DDO: variants seen among roughly 807,000 people sequenced by gnomAD.
DDO encodes the protein D-aspartate oxidase, also known as D-aspartate oxidase, DDO.
In DDO, 16 loss-of-function variants were observed where a neutral mutation model predicts 16.8. The ratio of observed to expected loss-of-function variants is 0.95; its 90% CI spans 0.65 to 1.45. The LOEUF (loss-of-function observed/expected upper bound fraction) is 1.45, where lower values mean the gene tolerates loss of function less well. Among genes scored for constraint, DDO ranks in the 40% most tolerant of loss-of-function variants. DDO has a pLI of 0.00. For missense variants in DDO, 429 were observed against 420.3 expected, an observed-to-expected ratio of 1.02 and a Z score of -0.18; for synonymous variants, 180 against 167.2, an observed-to-expected ratio of 1.08 and a Z score of -0.59.
At chr6:110,410,921 T>A (rs1355271641) in intron 2 of DDO, among the ~76,000 whole-genome samples, 2 of 152,106 alleles carry the variant, frequency 1.3e-5, no homozygotes, top group East Asian at 3.9e-4. Flanking sequence ...TCGCTGCTAT[T>A]ACCACCCTAA....
chr6:110,393,376 T>C, intron 4 of DDO, 34 bp from the exon 5 acceptor site: 1 of 1,529,908 alleles, frequency 6.5e-7, no homozygotes, highest in South Asian at 1.3e-5. Context: ...GAATATTTGT[T>C]AGCGACCTGA....
intron 1 of DDO, among the ~76,000 whole-genome samples, chr6:110,415,096 G>A (rs1461106199): frequency 3.9e-5 from 6 of 152,254 alleles, no homozygotes; most frequent in Non-Finnish European, 8.8e-5. Flanking sequence ...GGGCTGGTCA[G>A]CTGAGAGAGA....
At chr6:110,400,003 C>G (rs1352433279) in intron 4 of DDO, among the ~76,000 whole-genome samples, 1 of 152,226 alleles carries the variant, frequency 6.6e-6, no homozygotes, top group East Asian at 1.9e-4. Flanking sequence ...AGGCACCGCC[C>G]CCTCCGCCGG....
chr6:110,415,411 A>G, intron 1 of DDO, 56 bp downstream of exon 1: 1 of 1,607,024 alleles, frequency 6.2e-7, no homozygotes, highest in Middle Eastern at 1.7e-4. Context: ...ACACACTCCC[A>G]AACTCCCAGA....
intron 4 of DDO, among the ~76,000 whole-genome samples, 165 bp downstream of exon 4, chr6:110,404,609 T>A (rs183940003): frequency 6.6e-6 from 1 of 152,334 alleles, no homozygotes; most frequent in Non-Finnish European, 1.5e-5. Context: ...ACATAAACAC[T>A]GTCTTCAGAT....
In DDO at chr6:110,393,025, C is replaced by T. The variant is rs1261041615; in HGVS notation, c.776G>A (p.Cys259Tyr). The change falls in exon 5 of 5, where the codon TGT becomes TAT. Residue 259 changes from cysteine (C) to tyrosine (Y), a missense_variant. Cys to Tyr is a radical substitution (Grantham distance 194). Coordinates refer to ENST00000368924, the MANE Select transcript of DDO (RefSeq NM_001372108.2). ...TCCGTGGAGGGAGGGCTCCAGAGCA[C>T]AGCATCGGGAAAGAATCTCTCTGCT... The part of the protein sequence containing the change: ...ENSREILSRC[C>Y]ALEPSLHGAC... 6.2e-6 allele frequency: 10 copies of T among 1,611,306 alleles called. No homozygotes were observed. Among genetic ancestry groups the T allele is most frequent in the East Asian group, 2.2e-5 (1 of 44,784 alleles).
At chr6:110,395,601 A>G (rs1309593358) in intron 4 of DDO, among the ~76,000 whole-genome samples, 1 of 152,088 alleles carries the variant, frequency 6.6e-6, no homozygotes, top group Admixed American at 6.5e-5. Flanking sequence ...GCATGCCCCT[A>G]AGAGAGCAGA....
At chr6:110,405,223 A>C (rs1343457893) in intron 3 of DDO, among the ~76,000 whole-genome samples, 3 of 152,106 alleles carry the variant, frequency 2.0e-5, no homozygotes, top group Non-Finnish European at 4.4e-5. Context: ...TTATTTGTAG[A>C]GCCAGCGTCT....
intron 3 of DDO, among the ~76,000 whole-genome samples, chr6:110,405,834 G>A (rs9400381): frequency 0.25 from 37,700 of 151,928 alleles, 4,983 homozygotes; most frequent in East Asian, 0.53. Context: ...GCCCAGGGAG[G>A]TCGAGGCTGC....
intron 4 of DDO, among the ~76,000 whole-genome samples, chr6:110,395,116 G>A (rs193221481): frequency 3.9e-5 from 6 of 152,302 alleles, no homozygotes; most frequent in Admixed American, 3.9e-4. Context: ...AACATACTCC[G>A]TGTATTTCTG....
At chr6:110,390,910 A>G (rs560537576), downstream of DDO, among the ~76,000 whole-genome samples, 1 of 152,230 alleles carries the variant, frequency 6.6e-6, no homozygotes, top group Non-Finnish European at 1.5e-5. Context: ...TGGAGTATAT[A>G]AACTCCAAAA....
At chr6:110,399,504 GCCC>G (rs201942577) in intron 4 of DDO, among the ~76,000 whole-genome samples, 2,326 of 152,288 alleles carry the variant, frequency 0.015, 56 homozygotes, top group African/African-American at 0.054. Flanking sequence ...CCCAGAGGGA[GCCC>G]CAGGTGTCGC....
intron 4 of DDO, 80 bp downstream of exon 4, chr6:110,404,694 C>A (rs1773587650): frequency 6.7e-7 from 1 of 1,485,250 alleles, no homozygotes; most frequent in Non-Finnish European, 9.2e-7. Flanking sequence ...AGAGACTTTT[C>A]AGTATGTATT....
At chr6:110,412,050 A>T (rs1773875370) in intron 2 of DDO, among the ~76,000 whole-genome samples, 1 of 152,216 alleles carries the variant, frequency 6.6e-6, no homozygotes, top group African/African-American at 2.4e-5. Context: ...GTTTGAGACC[A>T]GCCTGGTCAA....
intron 3 of DDO, among the ~76,000 whole-genome samples, chr6:110,407,182 G>A (rs987779334): frequency 2.0e-5 from 3 of 152,144 alleles, no homozygotes; most frequent in Admixed American, 6.5e-5. Context: ...TTCTGGACAT[G>A]GCTGTTTCCA....
At chr6:110,409,431 G>A (rs1340839536) in intron 2 of DDO, among the ~76,000 whole-genome samples, 3 of 152,168 alleles carry the variant, frequency 2.0e-5, no homozygotes, top group Non-Finnish European at 2.9e-5. Context: ...AGGGAACTGA[G>A]GCAGAGAGGA....
intron 2 of DDO, 118 bp downstream of exon 2, chr6:110,413,172 GA>G (rs1046556805): frequency 3.3e-6 from 4 of 1,195,404 alleles, no homozygotes; most frequent in Admixed American, 2.6e-5. Flanking sequence ...AAAGGAAAAA[GA>G]AAAAAACCTG....
intron 3 of DDO, among the ~76,000 whole-genome samples, chr6:110,406,832 A>C (rs1205315289): frequency 6.6e-6 from 1 of 151,454 alleles, no homozygotes; most frequent in Non-Finnish European, 1.5e-5. Context: ...GCTTCTCATC[A>C]CTTCCCAGAG....
intron 2 of DDO, 35 bp downstream of exon 2, chr6:110,413,256 C>T: frequency 6.2e-7 from 1 of 1,602,760 alleles, no homozygotes; most frequent in Non-Finnish European, 8.5e-7. Context: ...TATCTGACAT[C>T]TATTGTATCT....
Sources: allele counts gnomAD v4.1 joint callset (sites outside exome capture counted in the v4.1 genomes callset), GRCh38; gene constraint gnomAD v4.1.1; transcripts MANE v1.5; gene names NCBI Gene and HGNC (gene_info 2026-07-23, HGNC 2026-07-21).